Variants in ERBB4 observed in about 807,000 individuals in gnomAD.
ERBB4 encodes erb-b2 receptor tyrosine kinase 4.
In ERBB4, 42 loss-of-function variants were observed where a neutral mutation model predicts 158.0. The observed-to-expected ratio is 0.27, with a 90% CI of 0.21 to 0.34. ERBB4 has a LOEUF of 0.34. Ranked by LOEUF, ERBB4 falls within the 10% of genes least tolerant of loss-of-function variation. ERBB4 has a pLI of 1.00. For missense variants in ERBB4, 1,333 were observed against 1,624.1 expected, an observed-to-expected ratio of 0.82 and a Z score of 3.08; for synonymous variants, 583 against 558.7, an observed-to-expected ratio of 1.04 and a Z score of -0.61.
At chr2:212,454,945 A>G (rs1688203426) in intron 1 of ERBB4, among the ~76,000 whole-genome samples, 2 of 152,112 alleles carry the variant, frequency 1.3e-5, no homozygotes, top group South Asian at 4.1e-4. Context: ...TTTAGGGAAA[A>G]CAATGTGTGA....
chr2:211,661,810 C>A (rs982843586), intron 15 of ERBB4, among the ~76,000 whole-genome samples: 1 of 151,286 alleles, frequency 6.6e-6, no homozygotes. Context: ...GAGGCCGAGG[C>A]GGGCGGATCA....
chr2:211,646,756 T>C (rs1202569406), intron 16 of ERBB4, among the ~76,000 whole-genome samples: 1 of 151,676 alleles, frequency 6.6e-6, no homozygotes, highest in Admixed American at 6.6e-5. Context: ...ATTCTGATTA[T>C]GTATTTAACA....
At chr2:211,664,372 T>C (rs948027053) in intron 15 of ERBB4, among the ~76,000 whole-genome samples, 9 of 152,054 alleles carry the variant, frequency 5.9e-5, no homozygotes, top group African/African-American at 2.2e-4. Context: ...TGCGTCTGTG[T>C]GTGTGTGTTT....
chr2:211,545,058 TC>T (rs2066907163), intron 20 of ERBB4, among the ~76,000 whole-genome samples: 1 of 152,058 alleles, frequency 6.6e-6, no homozygotes, highest in African/African-American at 2.4e-5. Context: ...TTTAGAGACT[TC>T]CCATATTCTA....
chr2:212,195,038 C>A (rs1321236039), intron 1 of ERBB4, among the ~76,000 whole-genome samples: 2 of 151,824 alleles, frequency 1.3e-5, no homozygotes, highest in African/African-American at 2.4e-5. Flanking sequence ...CTTTGAGAAG[C>A]TGAAAAACCA....
intron 1 of ERBB4, among the ~76,000 whole-genome samples, chr2:212,327,736 T>TC (rs893249082): frequency 1.8e-4 from 27 of 149,612 alleles, no homozygotes; most frequent in Middle Eastern, 3.4e-3. Flanking sequence ...TTCTTTTTTT[T>TC]TTTTTGTAGG....
chr2:211,575,739 A>G (rs2067869754), intron 19 of ERBB4, among the ~76,000 whole-genome samples: 2 of 152,272 alleles, frequency 1.3e-5, no homozygotes, highest in South Asian at 4.1e-4. Flanking sequence ...TTAATAAACT[A>G]TATCAAACAT....
At chr2:211,502,556 T>C (rs747727680) in intron 20 of ERBB4, among the ~76,000 whole-genome samples, 4 of 152,272 alleles carry the variant, frequency 2.6e-5, no homozygotes, top group Admixed American at 2.6e-4. Flanking sequence ...ATGAGTGTGC[T>C]ACAGAGCTCA....
intron 19 of ERBB4, among the ~76,000 whole-genome samples, chr2:211,585,793 A>G (rs1461947150): frequency 6.6e-6 from 1 of 152,152 alleles, no homozygotes; most frequent in African/African-American, 2.4e-5. Context: ...TCTATTCTCA[A>G]TGCTCAATAA....
chr2:211,877,467 T>A (rs1354949691), intron 3 of ERBB4, among the ~76,000 whole-genome samples: 1 of 152,224 alleles, frequency 6.6e-6, no homozygotes, highest in Admixed American at 6.5e-5. Context: ...AAACACTGTT[T>A]TTCTATCAAC....
intron 1 of ERBB4, among the ~76,000 whole-genome samples, chr2:212,392,025 A>T (rs2090891109): frequency 6.6e-6 from 1 of 151,554 alleles, no homozygotes; most frequent in Non-Finnish European, 1.5e-5. Context: ...AATATTCACC[A>T]TCTTTACAGT....
At chr2:211,959,985 T>C (rs1362696347) in intron 2 of ERBB4, among the ~76,000 whole-genome samples, 1 of 151,932 alleles carries the variant, frequency 6.6e-6, no homozygotes, top group Non-Finnish European at 1.5e-5. Flanking sequence ...GCACCCTGTG[T>C]GTACACAGGG....
chr2:211,759,477 G>A (rs75683339), intron 4 of ERBB4, among the ~76,000 whole-genome samples: 8,020 of 152,032 alleles, frequency 0.053, 561 homozygotes, highest in African/African-American at 0.16. Flanking sequence ...CCCTGCCTCA[G>A]TATTTTCCTC....
In ERBB4 at chr2:211,691,008, C is replaced by T. The variant is rs1353036044; in HGVS notation, c.1489+10959G>A. On this transcript the variant is annotated intron_variant, in intron 12 of 27. Coordinates refer to ENST00000342788, the MANE Select transcript of ERBB4 (RefSeq NM_005235.3). Reference sequence around the variant, plus strand: ...ACCTTTACCGAGAACACTGAACCTGCTTTAACTAAACTAGAGGGAAGCTTT... The same window carrying T: ...ACCTTTACCGAGAACACTGAACCTGTTTTAACTAAACTAGAGGGAAGCTTT... Among the ~76,000 whole-genome samples the T allele has an allele frequency of 2.6e-5, 4 of 152,014 alleles. No homozygotes were observed. In the East Asian group the frequency reaches 7.7e-4, roughly 29 times the overall value.
chr2:211,912,332 G>A (rs1288429079), intron 3 of ERBB4, among the ~76,000 whole-genome samples: 1 of 151,270 alleles, frequency 6.6e-6, no homozygotes, highest in Non-Finnish European at 1.5e-5. Flanking sequence ...GCTTTAATTT[G>A]GGGGGTCCTG....
At chr2:211,736,958 C>G (rs535901419) in intron 5 of ERBB4, among the ~76,000 whole-genome samples, 8 of 152,100 alleles carry the variant, frequency 5.3e-5, no homozygotes, top group African/African-American at 1.7e-4. Flanking sequence ...GACAAAAGTT[C>G]GGAAGTCCTC....
intron 2 of ERBB4, among the ~76,000 whole-genome samples, chr2:212,049,091 T>C (rs747061210): frequency 1.3e-5 from 2 of 152,206 alleles, no homozygotes; most frequent in Non-Finnish European, 2.9e-5. Flanking sequence ...AGATGCGTGT[T>C]TTACATTGCT....
intron 1 of ERBB4, among the ~76,000 whole-genome samples, chr2:212,419,594 CCT>C (rs958774955): frequency 4.0e-5 from 6 of 151,080 alleles, no homozygotes; most frequent in African/African-American, 7.3e-5. Flanking sequence ...TATAATATGC[CCT>C]GTTTTCAAGA....
chr2:212,155,581 C>T (rs1303965008), intron 1 of ERBB4, among the ~76,000 whole-genome samples: 1 of 152,028 alleles, frequency 6.6e-6, no homozygotes, highest in African/African-American at 2.4e-5. Flanking sequence ...AATTATCATG[C>T]ATACTGTAAC....
Sources: allele counts gnomAD v4.1 joint callset (sites outside exome capture counted in the v4.1 genomes callset), GRCh38; gene constraint gnomAD v4.1.1; transcripts MANE v1.5; gene names NCBI Gene and HGNC (gene_info 2026-07-23, HGNC 2026-07-21).